Variants in CNOT4 observed in about 807,000 individuals in gnomAD.
CNOT4 encodes CCR4-associated factor 4.
Under a neutral mutation model 73.8 loss-of-function variants are expected in CNOT4, and 8 were observed. The observed-to-expected ratio is 0.11, with a 90% confidence interval of 0.06 to 0.20. The LOEUF (loss-of-function observed/expected upper bound fraction) is 0.20. Ranked by LOEUF, CNOT4 falls within the 10% of genes least tolerant of loss-of-function variation. The pLI, the probability that CNOT4 is intolerant of heterozygous loss-of-function variation, is 1.00. For synonymous variants in CNOT4, 293 were observed against 321.1 expected (o/e 0.91, Z 0.94); for missense variants, 564 against 883.4 (o/e 0.64, Z 4.58).
intron 10 of CNOT4, 114 bp downstream of exon 10, chr7:135,393,804 A>G: frequency 2.8e-6 from 2 of 716,816 alleles, no homozygotes; most frequent in Non-Finnish European, 4.8e-6. Flanking sequence ...CTAATCTTTC[A>G]TAGACATTTC....
At chr7:135,431,110 A>G (rs916590834) in intron 2 of CNOT4, among the ~76,000 whole-genome samples, 1 of 152,112 alleles carries the variant, frequency 6.6e-6, no homozygotes, top group Non-Finnish European at 1.5e-5. Context: ...AAAATTTTTT[A>G]AACAATTAGT....
At chr7:135,394,618 G>C (rs1202753949) in intron 9 of CNOT4, among the ~76,000 whole-genome samples, 1 of 152,078 alleles carries the variant, frequency 6.6e-6, no homozygotes, top group African/African-American at 2.4e-5. Context: ...TAAGCTACTA[G>C]CTTCAAAAAC....
At chr7:135,411,905 T>G (rs749041722) in intron 6 of CNOT4, among the ~76,000 whole-genome samples, 7 of 151,918 alleles carry the variant, frequency 4.6e-5, no homozygotes, top group Non-Finnish European at 1.0e-4. Flanking sequence ...AGTTACGCAG[T>G]AACAAGGAAA....
chr7:135,389,157 C>CAAAAAAAAAAAAAAA (rs11292254), intron 10 of CNOT4, among the ~76,000 whole-genome samples: 2 of 83,670 alleles, frequency 2.4e-5, no homozygotes, highest in Non-Finnish European at 4.7e-5. Context: ...AACATACTAC[C>CAAAAAAAAAAAAAAA]AAAAAAAAAA....
chr7:135,383,482 T>C (rs916147386), intron 10 of CNOT4, among the ~76,000 whole-genome samples: 7 of 152,164 alleles, frequency 4.6e-5, no homozygotes, highest in African/African-American at 1.7e-4. Flanking sequence ...GGAAGGAAGT[T>C]TTCCTTTGAT....
chr7:135,436,828 C>A (rs544243136), intron 2 of CNOT4, among the ~76,000 whole-genome samples: 1 of 151,792 alleles, frequency 6.6e-6, no homozygotes, highest in African/African-American at 2.4e-5. Flanking sequence ...ATTATAAATT[C>A]TCAGGTAAGA....
At chr7:135,480,620 G>T (rs1224064896) in intron 1 of CNOT4, among the ~76,000 whole-genome samples, 1 of 152,172 alleles carries the variant, frequency 6.6e-6, no homozygotes, top group Non-Finnish European at 1.5e-5. Context: ...GCAGTGGCAT[G>T]ACATAGCTCA....
intron 7 of CNOT4, among the ~76,000 whole-genome samples, chr7:135,401,231 G>C (rs1052298550): frequency 6.6e-6 from 1 of 152,128 alleles, no homozygotes; most frequent in African/African-American, 2.4e-5. Context: ...GTCTGCTTAA[G>C]GTCTGGTAAT....
At chr7:135,501,425 G>A (rs1563086888) in intron 1 of CNOT4, among the ~76,000 whole-genome samples, 1 of 152,100 alleles carries the variant, frequency 6.6e-6, no homozygotes, top group Admixed American at 6.6e-5. Context: ...CAAAACCTTG[G>A]TGTCACTTTA....
chr7:135,486,256 G>A lies in CNOT4; in HGVS notation c.-93+23633C>T, dbSNP rs144625789. Among the ~76,000 whole-genome samples the A allele has an allele frequency of 5.9e-5, 9 of 152,100 alleles. No individual in the cohort carries two copies. In the East Asian group the frequency reaches 1.7e-3, roughly 29 times the overall value. Reference sequence around the variant, plus strand: ...TGAAAATGGACAAAAGACACAAACAGACAATTCACTGAAAAGGAATTACGA... The same window carrying A: ...TGAAAATGGACAAAAGACACAAACAAACAATTCACTGAAAAGGAATTACGA... On this transcript the variant is annotated intron_variant, in intron 1 of 11. Coordinates refer to ENST00000541284, the MANE Select transcript of CNOT4 (RefSeq NM_001190850.2).
At chr7:135,444,970 C>T in intron 1 of CNOT4, 2 of 1,098,120 alleles carry the variant, frequency 1.8e-6, no homozygotes, top group South Asian at 2.5e-5. Context: ...TGATGTAAGC[C>T]TCTTTGCCTC....
At chr7:135,460,689 G>A (rs984848751) in intron 1 of CNOT4, among the ~76,000 whole-genome samples, 3 of 152,022 alleles carry the variant, frequency 2.0e-5, no homozygotes, top group African/African-American at 4.8e-5. Context: ...ATGTGACACC[G>A]AAACATGAAG....
At chr7:135,378,518 G>GA (rs34652888) in intron 10 of CNOT4, among the ~76,000 whole-genome samples, 5,517 of 145,134 alleles carry the variant, frequency 0.038, 301 homozygotes, top group African/African-American at 0.12. Flanking sequence ...TAGAGAGAAG[G>GA]AAAAAAAAAA....
intron 7 of CNOT4, among the ~76,000 whole-genome samples, chr7:135,408,282 T>C (rs1038358604): frequency 6.6e-5 from 10 of 152,120 alleles, no homozygotes; most frequent in Admixed American, 6.5e-5. Context: ...ATTTAAAATA[T>C]GAACATATAG....
At chr7:135,398,295 C>CAA in intron 7 of CNOT4, 69 bp from the exon 8 acceptor site, 1 of 755,378 alleles carries the variant, frequency 1.3e-6, no homozygotes, top group East Asian at 2.7e-5. Context: ...ACAAACTCCT[C>CAA]AAAAGAAAAA....
chr7:135,472,456 G>A lies in CNOT4; in HGVS notation c.-92-34033C>T, dbSNP rs575661685. Reference sequence around the variant, plus strand: ...CATGCCACTGCACTCCAGCCCGGGCGACAGAGCGAGACACCGACTCAAAAA... The same window carrying A: ...CATGCCACTGCACTCCAGCCCGGGCAACAGAGCGAGACACCGACTCAAAAA... On this transcript the variant is annotated intron_variant, in intron 1 of 11. Coordinates refer to ENST00000541284, the MANE Select transcript of CNOT4 (RefSeq NM_001190850.2). Among the ~76,000 whole-genome samples, 360 of 106,386 alleles carry A rather than the reference G, an allele frequency of 3.4e-3. 2 individuals are homozygous for A. Among genetic ancestry groups the A allele is most frequent in the African/African-American group, 0.012 (329 of 26,832 alleles). 69.8% of individuals were successfully genotyped at this position (106,386 alleles called of 152,430 possible).
rs2696877 is a variant in CNOT4, at chr7:135,410,520, G to A, written c.816C>T (p.Tyr272=). The part of the protein sequence containing the change: ...NKNKVTPLQR[Y]DTPIDKPSDS... ...CTATCAATATCAATACTTACGTATCGTACCTCTGCAGTGGTGTCACTTTGT... is the reference window on the plus strand; with the variant it reads ...CTATCAATATCAATACTTACGTATCATACCTCTGCAGTGGTGTCACTTTGT... The change falls in exon 7 of 12, where the codon TAC becomes TAT. Residue 272 remains tyrosine, a synonymous_variant. Coordinates refer to ENST00000541284, the MANE Select transcript of CNOT4 (RefSeq NM_001190850.2). 741 of 1,512,670 alleles carry A rather than the reference G, an allele frequency of 4.9e-4. No homozygotes were observed. Among genetic ancestry groups the A allele is most frequent in the Admixed American group, 6.6e-4 (34 of 51,232 alleles). The allele number at this position is 1,512,670 out of a possible 1,614,324, so 93.7% of individuals were successfully genotyped here. A position where few individuals can be genotyped will look rare whatever the true frequency, so the allele number is the denominator to read the frequency against.
In CNOT4 at chr7:135,417,322, A is replaced by T. The variant is rs377470289; in HGVS notation, c.373-2060T>A. On this transcript the variant is annotated intron_variant, in intron 3 of 11. Coordinates refer to ENST00000541284, the MANE Select transcript of CNOT4 (RefSeq NM_001190850.2). ...CCCAGAGGCCACACCTTGAATAGCAAGGTTCTAGAGTAGGAATGTACAAGC... is the reference window on the plus strand; with the variant it reads ...CCCAGAGGCCACACCTTGAATAGCATGGTTCTAGAGTAGGAATGTACAAGC... 3.9e-5 allele frequency among the ~76,000 whole-genome samples: 6 copies of T among 152,230 alleles called. No individual in the cohort carries two copies. The East Asian group carries it at 1.2e-3, about 29-fold the overall frequency.
At chr7:135,435,413 C>A (rs1409722272) in intron 2 of CNOT4, among the ~76,000 whole-genome samples, 3 of 152,168 alleles carry the variant, frequency 2.0e-5, no homozygotes, top group African/African-American at 4.8e-5. Flanking sequence ...TAAAAACCCA[C>A]TCAGCACAAG....
Sources: allele counts gnomAD v4.1 joint callset (sites outside exome capture counted in the v4.1 genomes callset), GRCh38; gene constraint gnomAD v4.1.1; transcripts MANE v1.5; gene names NCBI Gene and HGNC (gene_info 2026-07-23, HGNC 2026-07-21).